The following CDK8 variants were observed in gnomAD, a reference collection of about 807,000 sequenced individuals.
CDK8 encodes the protein cyclin dependent kinase 8, also known as cyclin-dependent kinase 8.
CDK8 carries 29 observed loss-of-function variants against 71.5 expected under a neutral mutation model. That is an observed-to-expected ratio of 0.41 (90% CI 0.30 to 0.55). The LOEUF is 0.55. Ranked by LOEUF, CDK8 falls within the 20% of genes least tolerant of loss-of-function variation. The pLI is 0.37. For synonymous variants in CDK8, 161 were observed against 192.1 expected, an observed-to-expected ratio of 0.84 and a Z score of 1.34; for missense variants, 288 against 572.6, an observed-to-expected ratio of 0.50 and a Z score of 5.07.
Position 26,279,360 on chromosome 13 carries a change from G to T in CDK8, c.128+24591G>T, listed in dbSNP as rs1391544725. 5.9e-5 allele frequency among the ~76,000 whole-genome samples: 9 copies of T among 152,002 alleles called. No homozygotes were observed. The East Asian group carries it at 1.7e-3, about 29-fold the overall frequency. Reference sequence around the variant, plus strand: ...ATTGCAAAAAAGAAAATGTACCTTTGTAATTGAGAGTCTGGCAATCATCAG... The same window carrying T: ...ATTGCAAAAAAGAAAATGTACCTTTTTAATTGAGAGTCTGGCAATCATCAG... On this transcript the variant is annotated intron_variant, in intron 1 of 12. Transcript: ENST00000381527.
At chr13:26,265,868 A>G (rs1340007931) in intron 1 of CDK8, among the ~76,000 whole-genome samples, 2 of 152,302 alleles carry the variant, frequency 1.3e-5, no homozygotes, top group East Asian at 1.9e-4. Flanking sequence ...GCAGATAGTA[A>G]TAAGTTCCGA....
At chr13:26,369,709 C>CTTTTTTTTTTTTTTTT (rs36116401) in intron 4 of CDK8, among the ~76,000 whole-genome samples, 7 of 95,366 alleles carry the variant, frequency 7.3e-5, no homozygotes, top group Non-Finnish European at 1.2e-4. Context: ...TTCTTTCTTT[C>CTTTTTTTTTTTTTTTT]TTTTTTTTTT....
At chr13:26,363,327 C>CAAAAAAAAAAAAGA (rs1874235553) in intron 4 of CDK8, among the ~76,000 whole-genome samples, 1 of 45,240 alleles carries the variant, frequency 2.2e-5, no homozygotes, top group African/African-American at 1.0e-4. Context: ...GACTCCATCT[C>CAAAAAAAAAAAAGA]AAAAAAAAAA....
At chr13:26,306,225 T>C (rs1874033771) in intron 1 of CDK8, among the ~76,000 whole-genome samples, 1 of 152,174 alleles carries the variant, frequency 6.6e-6, no homozygotes, top group South Asian at 2.1e-4. Context: ...CATGGGCATT[T>C]CCTTGCATCC....
intron 3 of CDK8, among the ~76,000 whole-genome samples, chr13:26,350,123 A>T (rs929732927): frequency 6.6e-6 from 1 of 152,170 alleles, no homozygotes; most frequent in Non-Finnish European, 1.5e-5. Context: ...ACAGTCTGTG[A>T]TGTTTACACA....
intron 1 of CDK8, among the ~76,000 whole-genome samples, chr13:26,265,141 T>G (rs184180872): frequency 3.3e-5 from 5 of 152,278 alleles, no homozygotes; most frequent in Admixed American, 6.5e-5. Context: ...TATTTTTAGT[T>G]TTTTGAGAAA....
intron 4 of CDK8, among the ~76,000 whole-genome samples, chr13:26,382,508 A>G (rs1875274261): frequency 6.6e-6 from 1 of 152,170 alleles, no homozygotes; most frequent in African/African-American, 2.4e-5. Flanking sequence ...TACTTGAAAG[A>G]GTGAGAAGGA....
intron 1 of CDK8, among the ~76,000 whole-genome samples, chr13:26,318,684 A>ACAT (rs1467461943): frequency 6.6e-6 from 1 of 152,210 alleles, no homozygotes; most frequent in African/African-American, 2.4e-5. Context: ...GTAATATACC[A>ACAT]CATTAACAGA....
intron 1 of CDK8, among the ~76,000 whole-genome samples, chr13:26,335,194 C>T (rs532002489): frequency 3.3e-5 from 5 of 152,248 alleles, no homozygotes; most frequent in African/African-American, 7.2e-5. Context: ...TCTTAGTTTA[C>T]GTATGTCTCA....
chr13:26,270,768 G>T (rs1872279146), intron 1 of CDK8, among the ~76,000 whole-genome samples: 2 of 152,130 alleles, frequency 1.3e-5, no homozygotes, highest in Non-Finnish European at 2.9e-5. Context: ...CTTTTTGGTT[G>T]TTATGAATAA....
At chr13:26,398,430 C>CTA (rs1308050160) in intron 9 of CDK8, among the ~76,000 whole-genome samples, 1 of 152,150 alleles carries the variant, frequency 6.6e-6, no homozygotes, top group Non-Finnish European at 1.5e-5. Context: ...CACTAAAACT[C>CTA]TAGAGATATA....
At chr13:26,290,852 C>T (rs1049075071) in intron 1 of CDK8, among the ~76,000 whole-genome samples, 2 of 152,136 alleles carry the variant, frequency 1.3e-5, no homozygotes, top group Non-Finnish European at 2.9e-5. Context: ...CGCGGTGGCT[C>T]ACACCTGTAA....
intron 4 of CDK8, among the ~76,000 whole-genome samples, chr13:26,382,534 T>C (rs916413719): frequency 6.6e-6 from 1 of 152,204 alleles, no homozygotes; most frequent in Non-Finnish European, 1.5e-5. Context: ...AACATGACTT[T>C]GTGAGATGCT....
At chr13:26,367,846 T>G (rs1874463875) in intron 4 of CDK8, among the ~76,000 whole-genome samples, 1 of 152,214 alleles carries the variant, frequency 6.6e-6, no homozygotes, top group Non-Finnish European at 1.5e-5. Context: ...AAAGCACAAT[T>G]GGCAATTGGT....
chr13:26,298,937 C>G (rs1038608497), intron 1 of CDK8, among the ~76,000 whole-genome samples: 1 of 151,972 alleles, frequency 6.6e-6, no homozygotes, highest in African/African-American at 2.4e-5. Context: ...CTAAGAGCAC[C>G]AGTGGTTAAC....
chr13:26,403,282 A>G lies in CDK8; in HGVS notation c.1270-674A>G, dbSNP rs552820801. 8.7e-4 allele frequency among the ~76,000 whole-genome samples: 133 copies of G among 152,182 alleles called. 1 individual carries two copies. Among genetic ancestry groups the G allele is most frequent in the African/African-American group, 3.1e-3 (129 of 41,522 alleles). On this transcript the variant is annotated intron_variant, in intron 12 of 12. Transcript: ENST00000381527. ...CCCAGTGGTTTAGAAGGCTGAGGGG[A>G]AGGATCACTTGAGGCCTGGAGTTTG...
Position 26,317,384 on chromosome 13 carries a change from G to A in CDK8, c.129-20183G>A, listed in dbSNP as rs573485197. On this transcript the variant is annotated intron_variant, in intron 1 of 12. Transcript: ENST00000381527. Reference sequence around the variant, plus strand: ...GATAATGAAGTTGGAGACTTATACCGCCTCTCAATGATGGATAGAAGATAA... The same window carrying A: ...GATAATGAAGTTGGAGACTTATACCACCTCTCAATGATGGATAGAAGATAA... 2.6e-5 allele frequency among the ~76,000 whole-genome samples: 4 copies of A among 152,194 alleles called. No individual in the cohort carries two copies. The South Asian group carries it at 8.3e-4, about 32-fold the overall frequency.
chr13:26,306,728 A>G (rs1874061799), intron 1 of CDK8, among the ~76,000 whole-genome samples: 2 of 150,660 alleles, frequency 1.3e-5, no homozygotes, highest in African/African-American at 4.9e-5. Context: ...TCCTGGGTTC[A>G]AGCGATTCTC....
At chr13:26,315,272 TTAGG>T (rs1874457183) in intron 1 of CDK8, among the ~76,000 whole-genome samples, 1 of 152,172 alleles carries the variant, frequency 6.6e-6, no homozygotes, top group East Asian at 1.9e-4. Context: ...ACTTGAAACT[TTAGG>T]TAGTGTTTTG....
Sources: allele counts gnomAD v4.1 joint callset (sites outside exome capture counted in the v4.1 genomes callset), GRCh38; gene constraint gnomAD v4.1.1; transcripts MANE v1.5; gene names NCBI Gene and HGNC (gene_info 2026-07-23, HGNC 2026-07-21).